The following PLD5 variants were observed in gnomAD, a reference collection of about 807,000 sequenced individuals.
The protein encoded by PLD5 is inactive phospholipase D5.
PLD5 carries 36 observed loss-of-function variants against 61.1 expected under a neutral mutation model. The ratio of observed to expected loss-of-function variants is 0.59; its 90% CI spans 0.45 to 0.78. The LOEUF (loss-of-function observed/expected upper bound fraction) is 0.78, where lower values mean the gene tolerates loss of function less well. PLD5 is among the 30% of genes least tolerant of loss of function. The pLI, the probability that PLD5 is intolerant of heterozygous loss-of-function variation, is 0.00. For missense variants in PLD5, 515 were observed against 644.4 expected (o/e 0.80, Z 2.17); for synonymous variants, 243 against 242.8 (o/e 1.00, Z -0.01).
At chr1:242,264,580 A>G (rs1673549493) in intron 4 of PLD5, among the ~76,000 whole-genome samples, 1 of 152,238 alleles carries the variant, frequency 6.6e-6, no homozygotes, top group South Asian at 2.1e-4. Flanking sequence ...CATGAGCTGT[A>G]ACGCCATCAG....
At chr1:242,470,548 C>G (rs1667420687) in intron 1 of PLD5, among the ~76,000 whole-genome samples, 1 of 152,006 alleles carries the variant, frequency 6.6e-6, no homozygotes, top group South Asian at 2.1e-4. Context: ...TGCAATGTTA[C>G]AAGAATTAAG....
intron 5 of PLD5, among the ~76,000 whole-genome samples, chr1:242,193,065 C>A (rs555922712): frequency 8.5e-5 from 13 of 152,310 alleles, no homozygotes; most frequent in Admixed American, 5.2e-4. Flanking sequence ...ATCCCTACCT[C>A]CTTTATCACA....
chr1:242,194,131 T>C, intron 5 of PLD5, among the ~76,000 whole-genome samples: 1 of 152,170 alleles, frequency 6.6e-6, no homozygotes, highest in East Asian at 1.9e-4. Flanking sequence ...CAAGCTCCCC[T>C]ACCTGTCTGG....
At chr1:242,337,587 T>A (rs1574757907) in intron 2 of PLD5, among the ~76,000 whole-genome samples, 1 of 152,320 alleles carries the variant, frequency 6.6e-6, no homozygotes, top group African/African-American at 2.4e-5. Flanking sequence ...GCCAAGACCA[T>A]GCCATTGCAC....
At chr1:242,425,865 G>A (rs149947104) in intron 1 of PLD5, among the ~76,000 whole-genome samples, 2 of 151,736 alleles carry the variant, frequency 1.3e-5, no homozygotes, top group Non-Finnish European at 2.9e-5. Context: ...GGATGGTCTC[G>A]ATCTCCTGAC....
At chr1:242,362,050 T>TA (rs1334824120) in intron 1 of PLD5, among the ~76,000 whole-genome samples, 1 of 151,370 alleles carries the variant, frequency 6.6e-6, no homozygotes, top group Non-Finnish European at 1.5e-5. Flanking sequence ...ACCCTAGAGG[T>TA]AAAAAAGATA....
chr1:242,167,757 C>T (rs1666436104), intron 5 of PLD5, among the ~76,000 whole-genome samples: 1 of 152,196 alleles, frequency 6.6e-6, no homozygotes, highest in Non-Finnish European at 1.5e-5. Flanking sequence ...CCAGTAAATA[C>T]ATCCATAGAT....
At chr1:242,149,287 A>G (rs1278774858) in intron 5 of PLD5, among the ~76,000 whole-genome samples, 1 of 151,914 alleles carries the variant, frequency 6.6e-6, no homozygotes, top group Non-Finnish European at 1.5e-5. Flanking sequence ...CTTTTGATAC[A>G]GTATTTTACA....
intron 5 of PLD5, among the ~76,000 whole-genome samples, chr1:242,188,969 A>G (rs1668073214): frequency 6.6e-6 from 1 of 152,196 alleles, no homozygotes; most frequent in Non-Finnish European, 1.5e-5. Context: ...GGGACCTAGA[A>G]TTATATGCTT....
In PLD5 at chr1:242,409,615, G is replaced by A. The variant is rs559774239; in HGVS notation, c.190-61373C>T. Among the ~76,000 whole-genome samples, 3 of 152,270 alleles carry A rather than the reference G, an allele frequency of 2.0e-5. No homozygotes were observed. In the South Asian group the frequency reaches 6.2e-4, roughly 32 times the overall value. ...AGGAAGAAGCTCCCCCATACAGAGA[G>A]GGAAGGACAGGGGGCTCCAAACCCC... is the stretch of plus-strand genomic sequence containing the variant. On this transcript the variant is annotated intron_variant, in intron 1 of 9. Coordinates refer to ENST00000536534, the MANE Select transcript of PLD5 (RefSeq NM_001372062.1).
At chr1:242,176,054 T>C (rs1574456276) in intron 5 of PLD5, among the ~76,000 whole-genome samples, 1 of 152,240 alleles carries the variant, frequency 6.6e-6, no homozygotes, top group African/African-American at 2.4e-5. Flanking sequence ...CAAGCTACCA[T>C]TGACTTTCTT....
At chr1:242,259,927 C>T (rs548571892) in intron 4 of PLD5, among the ~76,000 whole-genome samples, 5 of 152,204 alleles carry the variant, frequency 3.3e-5, no homozygotes, top group Non-Finnish European at 7.4e-5. Flanking sequence ...CTAGAATATA[C>T]AACCAGAGAT....
intron 5 of PLD5, among the ~76,000 whole-genome samples, chr1:242,190,916 A>C (rs752394349): frequency 4.3e-4 from 66 of 152,172 alleles, no homozygotes; most frequent in Non-Finnish European, 7.8e-4. Flanking sequence ...AATGCTTTGG[A>C]TCTGGTTTCA....
chr1:242,232,018 C>T (rs1186260950), intron 4 of PLD5, among the ~76,000 whole-genome samples: 1 of 150,352 alleles, frequency 6.7e-6, no homozygotes, highest in Non-Finnish European at 1.5e-5. Flanking sequence ...CTAAGATATT[C>T]AAAATCTAAT....
chr1:242,264,957 TA>T (rs1673576166), intron 4 of PLD5, among the ~76,000 whole-genome samples: 1 of 152,152 alleles, frequency 6.6e-6, no homozygotes, highest in Admixed American at 6.5e-5. Context: ...TTTAAATATA[TA>T]GCGTGAAAAG....
chr1:242,505,098 A>G (rs914883029), intron 1 of PLD5, among the ~76,000 whole-genome samples: 2 of 152,220 alleles, frequency 1.3e-5, no homozygotes, highest in African/African-American at 4.8e-5. Flanking sequence ...TGGAGGCTGC[A>G]CTGAGCAGTG....
Position 242,133,635 on chromosome 1 carries a change from C to T in PLD5, c.736-8970G>A, listed in dbSNP as rs576150334. 3.4e-4 allele frequency among the ~76,000 whole-genome samples: 52 copies of T among 152,250 alleles called. 2 individuals are homozygous for T. The Middle Eastern group carries it at 0.01, about 30-fold the overall frequency. ...CTTCCTTCCCTCCCTCCTTTCCTTT[C>T]TTCCTCCCTTTCACTGTAGTCAATG... On this transcript the variant is annotated intron_variant, in intron 5 of 9. Transcript: ENST00000536534.
chr1:242,264,386 G>A (rs66938330), intron 4 of PLD5, among the ~76,000 whole-genome samples: 7,308 of 152,190 alleles, frequency 0.048, 303 homozygotes, highest in East Asian at 0.12. Flanking sequence ...CCAAGCTTAC[G>A]TCTTCTATGT....
chr1:242,436,483 T>A (rs1666002537), intron 1 of PLD5, among the ~76,000 whole-genome samples: 1 of 152,002 alleles, frequency 6.6e-6, no homozygotes, highest in African/African-American at 2.4e-5. Context: ...ATTCACCTTT[T>A]AAAAAAAAAT....
Sources: allele counts gnomAD v4.1 joint callset (sites outside exome capture counted in the v4.1 genomes callset), GRCh38; gene constraint gnomAD v4.1.1; transcripts MANE v1.5; gene names NCBI Gene and HGNC (gene_info 2026-07-23, HGNC 2026-07-21).